Variants in ARMC1 observed in about 807,000 individuals in gnomAD.
ARMC1 encodes the protein armadillo repeat containing 1, also known as armadillo repeat-containing protein 1.
A neutral mutation model predicts 31.4 loss-of-function variants in ARMC1; 16 were observed. That is an observed-to-expected ratio of 0.51 (90% confidence interval 0.34 to 0.77). ARMC1 has a LOEUF of 0.77. Ranked by LOEUF, ARMC1 falls within the 30% of genes least tolerant of loss-of-function variation. The pLI is 0.01. For missense variants in ARMC1, 259 were observed against 347.5 expected, an observed-to-expected ratio of 0.75 and a Z score of 2.02; for synonymous variants, 114 against 118.9, an observed-to-expected ratio of 0.96 and a Z score of 0.27.
chr8:65,608,971 G>A (rs1808063466), intron 4 of ARMC1, among the ~76,000 whole-genome samples: 1 of 152,036 alleles, frequency 6.6e-6, no homozygotes, highest in Admixed American at 6.5e-5. Flanking sequence ...ACAAATGAGA[G>A]AATCGATGAA....
chr8:65,621,750 C>T (rs149883670), intron 3 of ARMC1, among the ~76,000 whole-genome samples: 5 of 152,342 alleles, frequency 3.3e-5, no homozygotes, highest in African/African-American at 9.6e-5. Context: ...CACAAGTGAT[C>T]CGTCTGCCTT....
chr8:65,622,115 T>C, intron 3 of ARMC1, 148 bp downstream of exon 3: 1 of 617,500 alleles, frequency 1.6e-6, no homozygotes, highest in Non-Finnish European at 2.9e-6. Flanking sequence ...AATCCAATAA[T>C]AGTAGTAATC....
At chr8:65,614,249 C>G (rs935229269) in intron 3 of ARMC1, among the ~76,000 whole-genome samples, 23 of 152,126 alleles carry the variant, frequency 1.5e-4, no homozygotes, top group African/African-American at 5.3e-4. Context: ...AACCACAGCT[C>G]TAACAAAAGT....
chr8:65,616,616 C>T (rs1380559076), intron 3 of ARMC1, among the ~76,000 whole-genome samples: 1 of 150,664 alleles, frequency 6.6e-6, no homozygotes, highest in East Asian at 2.0e-4. Flanking sequence ...GTGAGGAGTG[C>T]CTCTGCCCGG....
intron 3 of ARMC1, among the ~76,000 whole-genome samples, chr8:65,618,674 G>C (rs4424306): frequency 0.43 from 65,235 of 151,892 alleles, 15,457 homozygotes; most frequent in Non-Finnish European, 0.54. Context: ...TGTTTTTAAA[G>C]TTGATTTCAA....
chr8:65,613,268 C>T lies in ARMC1; in HGVS notation c.441G>A (p.Leu147=). 6.2e-7 allele frequency: 1 copy of T among 1,608,464 alleles called. No individual in the cohort carries two copies. The highest frequency in any genetic ancestry group is 8.5e-7 in the Non-Finnish European group (1 of 1,178,324). ...CCGTATCATCAAGGCCATCTATATGCAAAACCACTGTTTTGGCACGTTTGT... is the reference window on the plus strand; with the variant it reads ...CCGTATCATCAAGGCCATCTATATGTAAAACCACTGTTTTGGCACGTTTGT... ...TTNKRAKTVV[L]HIDGLDDTSR... is the part of the protein sequence containing the mutation. Residue 147 remains leucine, a synonymous_variant, in exon 4 of 7, where the codon TTG becomes TTA. Transcript: ENST00000276569.
intron 1 of ARMC1, 58 bp from the exon 2 acceptor site, chr8:65,627,491 T>G (rs1293610751): frequency 1.0e-6 from 1 of 971,912 alleles, no homozygotes; most frequent in Non-Finnish European, 1.4e-6. Context: ...ATAGCACTTG[T>G]GAAATAACCA....
At chr8:65,610,323 T>G (rs1409516743) in intron 4 of ARMC1, among the ~76,000 whole-genome samples, 1 of 151,280 alleles carries the variant, frequency 6.6e-6, no homozygotes, top group Non-Finnish European at 1.5e-5. Flanking sequence ...GGTCTTGAAC[T>G]CCTGACCTTG....
chr8:65,622,647 G>A (rs1188858783), intron 2 of ARMC1, among the ~76,000 whole-genome samples: 10 of 151,974 alleles, frequency 6.6e-5, no homozygotes, highest in Admixed American at 6.6e-4. Context: ...ATTCCATTTA[G>A]TGGGGAAGTG....
At chr8:65,607,777 A>G (rs1043825970) in intron 4 of ARMC1, among the ~76,000 whole-genome samples, 3 of 152,220 alleles carry the variant, frequency 2.0e-5, no homozygotes, top group African/African-American at 7.2e-5. Context: ...ATCCTTACAA[A>G]CTTTCAGAAA....
At chr8:65,622,997 C>T (rs1237891294) in intron 2 of ARMC1, among the ~76,000 whole-genome samples, 2 of 145,886 alleles carry the variant, frequency 1.4e-5, no homozygotes, top group African/African-American at 5.1e-5. Flanking sequence ...AGCGAGACTC[C>T]ATCTCAAAAA....
At chr8:65,608,875 A>G (rs1242709809) in intron 4 of ARMC1, among the ~76,000 whole-genome samples, 6 of 151,698 alleles carry the variant, frequency 4.0e-5, no homozygotes, top group African/African-American at 1.5e-4. Flanking sequence ...TGTCACACTG[A>G]TCTCCAGCCT....
chr8:65,615,322 G>T (rs1808225636), intron 3 of ARMC1, among the ~76,000 whole-genome samples: 1 of 149,446 alleles, frequency 6.7e-6, no homozygotes, highest in African/African-American at 2.5e-5. Context: ...GCAGTTCTCA[G>T]ATATTTTAAA....
intron 4 of ARMC1, among the ~76,000 whole-genome samples, chr8:65,609,133 CTTT>C (rs63319761): frequency 9.3e-5 from 10 of 107,596 alleles, no homozygotes; most frequent in Non-Finnish European, 1.3e-4. Flanking sequence ...GGTTTCTGCT[CTTT>C]TTTTTTTTTT....
At chr8:65,623,995 G>A (rs1808458627) in intron 2 of ARMC1, among the ~76,000 whole-genome samples, 1 of 150,348 alleles carries the variant, frequency 6.7e-6, no homozygotes. Flanking sequence ...ATGGGTTTTT[G>A]CCATGTTGGC....
In ARMC1 at chr8:65,604,671, C is replaced by T; in HGVS notation, c.658-86G>A. The T allele has an allele frequency of 4.0e-6, 5 of 1,244,244 alleles. No individual in the cohort carries two copies. In the South Asian group the frequency reaches 7.1e-5, roughly 18 times the overall value. 77.1% of individuals were successfully genotyped at this position (1,244,244 alleles called of 1,614,324 possible). A position where few individuals can be genotyped will look rare whatever the true frequency, so the allele number is the denominator to read the frequency against. ...GTGGTTATTCTCAGGGTAAATTTTC[C>T]TCTTACATGACAGTAGGCCCAATTG... On this transcript the variant is annotated intron_variant, in intron 6 of 6. Transcript: ENST00000276569.
chr8:65,633,776 C>G (rs1375435316), intron 1 of ARMC1: 3 of 152,280 alleles, frequency 2.0e-5, no homozygotes, highest in Non-Finnish European at 2.9e-5. Context: ...TAGTAAAAGT[C>G]AGATGTGAGG....
intron 3 of ARMC1, 39 bp from the exon 4 acceptor site, chr8:65,613,472 C>T (rs1563414240): frequency 2.2e-6 from 3 of 1,366,158 alleles, no homozygotes; most frequent in Non-Finnish European, 3.0e-6. Context: ...CTTGTCACTT[C>T]TACTGATTCT....
At chr8:65,629,277 G>A (rs984843913) in intron 1 of ARMC1, among the ~76,000 whole-genome samples, 1 of 152,124 alleles carries the variant, frequency 6.6e-6, no homozygotes, top group African/African-American at 2.4e-5. Flanking sequence ...CAGAACTGGA[G>A]AACATTGTGC....
Sources: allele counts gnomAD v4.1 joint callset (sites outside exome capture counted in the v4.1 genomes callset), GRCh38; gene constraint gnomAD v4.1.1; transcripts MANE v1.5; gene names NCBI Gene and HGNC (gene_info 2026-07-23, HGNC 2026-07-21).